CFAP251: variants seen among roughly 807,000 people sequenced by gnomAD.
CFAP251 encodes cilia and flagella associated protein 251, also known as cilia- and flagella-associated protein 251.
In CFAP251, 93 loss-of-function variants were observed where a neutral mutation model predicts 126.7. The ratio of observed to expected loss-of-function variants is 0.73; its 90% confidence interval spans 0.62 to 0.87. CFAP251 has a LOEUF of 0.87. CFAP251 is among the 40% of genes least tolerant of loss of function. The pLI, the probability that CFAP251 is intolerant of heterozygous loss-of-function variation, is 0.00. For missense variants in CFAP251, 1,287 were observed against 1,389.2 expected, an observed-to-expected ratio of 0.93 and a Z score of 1.17; for synonymous variants, 503 against 506.9, an observed-to-expected ratio of 0.99 and a Z score of 0.10.
At chr12:121,957,016 T>C (rs539674827) in intron 10 of CFAP251, 58 bp from the exon 11 acceptor site, 1 of 1,390,142 alleles carries the variant, frequency 7.2e-7, no homozygotes, top group South Asian at 1.4e-5. Context: ...TTAGGTATTA[T>C]ATAGATGCTA....
rs1398445488 is a variant in CFAP251 at position 121,942,625 on chromosome 12, A to G, written c.1090A>G (p.Ile364Val). The G allele has an allele frequency of 1.9e-6, 3 of 1,612,706 alleles. No homozygotes were observed. The highest frequency in any genetic ancestry group is 1.1e-5 in the South Asian group (1 of 91,064). ...MTHDAKYLAT[I>V]SDAEVQKVCI... ...CCACGACGCCAAGTATCTGGCAACCATCTCAGATGCTGAAGTCCAGGTAAA... is the reference window on the plus strand; with the variant it reads ...CCACGACGCCAAGTATCTGGCAACCGTCTCAGATGCTGAAGTCCAGGTAAA... Residue 364 changes from isoleucine (I) to valine (V), a missense_variant, in exon 6 of 22, where the codon ATC (isoleucine) becomes GTC (valine). Transcript: ENST00000288912.
chr12:121,954,650 A>AAAAAAAC (rs1555218005), intron 10 of CFAP251, among the ~76,000 whole-genome samples: 5 of 148,282 alleles, frequency 3.4e-5, no homozygotes, highest in Non-Finnish European at 7.5e-5. Flanking sequence ...AAAAAAAAAA[A>AAAAAAAC]AAAAAAAAAA....
chr12:121,974,255 C>T lies in CFAP251; in HGVS notation c.2772-989C>T, dbSNP rs574887147. Among the ~76,000 whole-genome samples the T allele has an allele frequency of 4.1e-4, 63 of 152,254 alleles. No homozygotes were observed. Among genetic ancestry groups the T allele is most frequent in the African/African-American group, 1.3e-3 (55 of 41,524 alleles). On this transcript the variant is annotated intron_variant, in intron 17 of 21. Transcript: ENST00000288912. The surrounding 1 kb of genome is among the most constrained non-coding windows in gnomAD (Gnocchi z 4.6). ...TTCACCTTGCGCCATAATTGTGAGTCCTCCCCAGCCATGTGAAACCGTAAG... is the reference window on the plus strand; with the variant it reads ...TTCACCTTGCGCCATAATTGTGAGTTCTCCCCAGCCATGTGAAACCGTAAG...
chr12:121,968,277 A>C, intron 17 of CFAP251, 108 bp downstream of exon 17: 81 of 1,153,748 alleles, frequency 7.0e-5, no homozygotes, highest in Middle Eastern at 3.1e-4. Context: ...CTAGGATGTC[A>C]CAGGGCCTGG....
At chr12:121,963,757 G>A (rs903804278) in intron 15 of CFAP251, among the ~76,000 whole-genome samples, 9 of 150,718 alleles carry the variant, frequency 6.0e-5, no homozygotes, top group African/African-American at 1.5e-4. Flanking sequence ...TTCTCCCACC[G>A]AGCTTCAGGA....
intron 12 of CFAP251, 118 bp from the exon 13 acceptor site, chr12:121,958,822 CACG>C: frequency 8.0e-7 from 1 of 1,248,574 alleles, no homozygotes. Flanking sequence ...CATTTCTCCG[CACG>C]GGAGCTTTGT....
chr12:121,953,004 A>G (rs1248148034), intron 9 of CFAP251: 1 of 152,228 alleles, frequency 6.6e-6, no homozygotes, highest in Non-Finnish European at 1.5e-5. Context: ...TGATCAATAC[A>G]TAAGCTTGTT....
rs1264451087 is a variant in CFAP251 at position 121,951,492 on chromosome 12, G to T, written c.1282G>T (p.Asp428Tyr). Residue 428 changes from aspartate to tyrosine, a missense_variant, in exon 9 of 22, where the codon GAT (aspartate) becomes TAT (tyrosine). Physicochemically the swap from Asp to Tyr is radical, Grantham distance 160. Coordinates refer to ENST00000288912, the MANE Select transcript of CFAP251 (RefSeq NM_144668.6). ...TTCCTCTTATCAGTATGAAGAGAGGGATACACTGGCTCACAGTGCCCCACT... is the reference window on the plus strand; with the variant it reads ...TTCCTCTTATCAGTATGAAGAGAGGTATACACTGGCTCACAGTGCCCCACT... ...AIYYAWYEER[D>Y]TLAHSAPLLT... 1.3e-6 allele frequency: 2 copies of T among 1,582,714 alleles called. No homozygotes were observed. The highest frequency in any genetic ancestry group is 1.7e-5 in the Admixed American group (1 of 59,624).
At chr12:121,995,846 A>G (rs1375241005) in intron 19 of CFAP251, among the ~76,000 whole-genome samples, 1 of 152,224 alleles carries the variant, frequency 6.6e-6, no homozygotes, top group African/African-American at 2.4e-5. Context: ...ACTTAGATAC[A>G]GCGTTAAAGG....
chr12:121,924,112 A>C, intron 3 of CFAP251, 122 bp downstream of exon 3: 2 of 1,243,244 alleles, frequency 1.6e-6, no homozygotes, highest in Non-Finnish European at 2.2e-6. Context: ...CTAATAATAG[A>C]CTTGTGTTTT....
At chr12:121,957,667 C>G (rs1407566654) in intron 11 of CFAP251, among the ~76,000 whole-genome samples, 5 of 139,566 alleles carry the variant, frequency 3.6e-5, no homozygotes, top group Non-Finnish European at 7.5e-5. Flanking sequence ...TAGCGCCACT[C>G]TACTCCAGCC....
intron 16 of CFAP251, among the ~76,000 whole-genome samples, chr12:121,967,429 G>A (rs1280175355): frequency 6.6e-6 from 1 of 152,236 alleles, no homozygotes; most frequent in Non-Finnish European, 1.5e-5. Flanking sequence ...CGGGCCAGGT[G>A]AGGTGGCTCA....
rs746834273 is a variant in CFAP251 at position 121,924,002 on chromosome 12, G to A, written c.747+12G>A. 6.5e-7 allele frequency: 1 copy of A among 1,527,888 alleles called. No homozygotes were observed. Among genetic ancestry groups the A allele is most frequent in the Non-Finnish European group, 8.7e-7 (1 of 1,146,524 alleles). 94.6% of individuals were successfully genotyped at this position (1,527,888 alleles called of 1,614,324 possible). On this transcript the variant is annotated intron_variant, in intron 3 of 21. Coordinates refer to ENST00000288912, the MANE Select transcript of CFAP251 (RefSeq NM_144668.6). ...CGGTGTATCCCTTGGTAAGTGTAAT[G>A]CTTTTAAATCTCCCCCAGTGCTTTT...
chr12:121,998,041 A>T (rs1164608056), intron 19 of CFAP251: 2 of 151,660 alleles, frequency 1.3e-5, no homozygotes. Context: ...CTGAGCCACC[A>T]TGCCCGGCCT....
Position 121,958,719 on chromosome 12 carries a change from G to A in CFAP251, c.1981+197G>A, listed in dbSNP as rs559113293. Among the ~76,000 whole-genome samples the A allele has an allele frequency of 1.5e-3, 231 of 151,778 alleles. 1 individual carries two copies. Among genetic ancestry groups the A allele is most frequent in the Non-Finnish European group, 2.4e-3 (162 of 67,968 alleles). On this transcript the variant is annotated intron_variant, in intron 12 of 21. Transcript: ENST00000288912. ...CTCTGCGCGCTCACCCCAGCAGGCT[G>A]GATGAGGCGCCTTCTCTCTGGGGCT...
chr12:121,958,627 C>A, intron 12 of CFAP251, 105 bp downstream of exon 12: 1 of 1,535,986 alleles, frequency 6.5e-7, no homozygotes, highest in Non-Finnish European at 8.8e-7. Flanking sequence ...CGACTCCAGC[C>A]CCCAGCAGGC....
At chr12:121,996,957 A>AGTCTGAAAGCT (rs1883033020) in intron 19 of CFAP251, 1 of 152,216 alleles carries the variant, frequency 6.6e-6, no homozygotes, top group African/African-American at 2.4e-5. Flanking sequence ...AGATGCATGA[A>AGTCTGAAAGCT]TCAAAGCAAC....
rs1247258854 is a variant in CFAP251, at chr12:121,971,748, A to G, written c.2772-3496A>G. On this transcript the variant is annotated intron_variant, in intron 17 of 21. Transcript: ENST00000288912. Reference sequence around the variant, plus strand: ...GGAAAATAAAGGACTTTTGTCTCCAATCTTTGTGATATGGTTTGGCTCTGT... The same window carrying G: ...GGAAAATAAAGGACTTTTGTCTCCAGTCTTTGTGATATGGTTTGGCTCTGT... 13 of 632,820 alleles carry G rather than the reference A, an allele frequency of 2.1e-5. No individual in the cohort carries two copies. In the South Asian group the frequency reaches 2.3e-4, roughly 11 times the overall value. The allele number at this position is 632,820 out of a possible 1,614,324, so 39.2% of individuals were successfully genotyped here. A position where few individuals can be genotyped will look rare whatever the true frequency, so the allele number is the denominator to read the frequency against.
chr12:121,962,387 C>G (rs1048850318), intron 15 of CFAP251, among the ~76,000 whole-genome samples: 5 of 151,954 alleles, frequency 3.3e-5, no homozygotes, highest in South Asian at 4.2e-4. Flanking sequence ...GGACACAGAC[C>G]CTGGGGCCCT....
Sources: gnomAD v4.1 joint callset for allele counts (sites outside exome capture counted in the v4.1 genomes callset) on GRCh38, gnomAD v4.1.1 for gene constraint, Gnocchi (gnomAD v3.1) non-coding constraint, MANE v1.5 for transcripts, NCBI Gene and HGNC (gene_info 2026-07-23, HGNC 2026-07-21) for gene names.